SVEP1: variants seen among roughly 807,000 people sequenced by gnomAD.
The protein encoded by SVEP1 is sushi, von Willebrand factor type A, EGF and pentraxin domain-containing protein 1.
A neutral mutation model predicts 367.3 loss-of-function variants in SVEP1; 164 were observed. The ratio of observed to expected loss-of-function variants is 0.45; its 90% confidence interval spans 0.39 to 0.51. SVEP1 has a LOEUF of 0.51. Among genes scored for constraint, SVEP1 ranks in the 20% least tolerant of loss-of-function variants. SVEP1 has a pLI of 0.00. For synonymous variants in SVEP1, 1,666 were observed against 1,611.6 expected, an observed-to-expected ratio of 1.03 and a Z score of -0.81; for missense variants, 4,117 against 4,425.3, an observed-to-expected ratio of 0.93 and a Z score of 1.98.
rs532801433 is a variant in SVEP1, at chr9:110,414,164, A to T, written c.5976-2429T>A. Among the ~76,000 whole-genome samples the T allele has an allele frequency of 5.3e-5, 8 of 152,158 alleles. No individual in the cohort carries two copies. In the East Asian group the frequency reaches 1.5e-3, roughly 29 times the overall value. On this transcript the variant is annotated intron_variant, in intron 36 of 47. Coordinates refer to ENST00000374469, the MANE Select transcript of SVEP1 (RefSeq NM_153366.4). Reference sequence around the variant, plus strand: ...CAGTGTCACTAATACAAATTATTTGACCCACCCATTAGCAAAGATTAATTC... The same window carrying T: ...CAGTGTCACTAATACAAATTATTTGTCCCACCCATTAGCAAAGATTAATTC...
intron 26 of SVEP1, 121 bp from the exon 27 acceptor site, chr9:110,443,841 C>T (rs1314509449): frequency 2.5e-6 from 2 of 788,572 alleles, no homozygotes; most frequent in African/African-American, 3.6e-5. Context: ...TTGTGTAAAT[C>T]CATTACTCTT....
In SVEP1 at chr9:110,404,539, A is replaced by G. The variant is rs755982831; in HGVS notation, c.9454T>C (p.Tyr3152His). Residue 3152 changes from tyrosine (Y) to histidine (H), a missense_variant, in exon 39 of 48, where the codon TAT becomes CAT. Around this residue, in one of 4 missense-constraint regions of SVEP1, gnomAD observed 1,765 missense variants for 1,781.1 expected, o/e 0.99. Transcript: ENST00000374469. ...GTATCTGTATCTGTATCCATCGTAT[A>G]ACCTTCCAGACATCTGCAATGGAAA... The part of the protein sequence containing the change: ...SEVKLRCLEG[Y>H]TMDTDTDTFT... The G allele has an allele frequency of 6.2e-7, 1 of 1,613,992 alleles. No homozygotes were observed. The highest frequency in any genetic ancestry group is 8.5e-7 in the Non-Finnish European group (1 of 1,179,874).
intron 47 of SVEP1, 126 bp downstream of exon 47, chr9:110,369,797 G>T: frequency 1.4e-6 from 1 of 711,204 alleles, no homozygotes; most frequent in South Asian, 2.2e-5. Flanking sequence ...GTCTCAAAAT[G>T]GATGTTTTCA....
chr9:110,423,999 T>C (rs117577403), intron 36 of SVEP1, among the ~76,000 whole-genome samples: 27 of 152,334 alleles, frequency 1.8e-4, no homozygotes, highest in Non-Finnish European at 3.2e-4. Flanking sequence ...ATAAACACTA[T>C]TGTAGGCAAA....
intron 1 of SVEP1, among the ~76,000 whole-genome samples, chr9:110,561,236 G>A (rs1164306579): frequency 2.0e-5 from 3 of 152,034 alleles, no homozygotes; most frequent in East Asian, 1.9e-4. Flanking sequence ...ATCCACCTCT[G>A]ATTTTTACTA....
chr9:110,494,634 T>C (rs2118736114), intron 8 of SVEP1, among the ~76,000 whole-genome samples: 1 of 152,314 alleles, frequency 6.6e-6, no homozygotes, highest in African/African-American at 2.4e-5. Flanking sequence ...GAGGGAATAA[T>C]CAGAGACAAA....
intron 3 of SVEP1, among the ~76,000 whole-genome samples, chr9:110,536,210 CAT>C (rs1444559565): frequency 2.6e-5 from 4 of 151,994 alleles, no homozygotes; most frequent in African/African-American, 9.7e-5. Context: ...TTGAGATAAT[CAT>C]GTGGTTTTTG....
At chr9:110,397,076 T>C (rs535446172) in intron 40 of SVEP1, among the ~76,000 whole-genome samples, 4 of 152,322 alleles carry the variant, frequency 2.6e-5, no homozygotes, top group African/African-American at 7.2e-5. Flanking sequence ...TTGATGAACA[T>C]TGATGCAAAA....
intron 1 of SVEP1, among the ~76,000 whole-genome samples, chr9:110,558,691 A>G (rs1830385903): frequency 6.6e-6 from 1 of 152,030 alleles, no homozygotes; most frequent in African/African-American, 2.4e-5. Context: ...ACTCAAAATA[A>G]TGAAAGACAG....
At position 110,366,499 on chromosome 9, in the gene SVEP1, A is replaced by G. The variant is rs1827201864; in HGVS notation, c.*40T>C. 1.9e-6 allele frequency: 3 copies of G among 1,542,266 alleles called. No homozygotes were observed. Among genetic ancestry groups the G allele is most frequent in the African/African-American group, 1.4e-5 (1 of 71,958 alleles). Reference sequence around the variant, plus strand: ...GATGCCCAGGCACTACCGAGGAGAGATGATCCTGCTTTTGGGAGAGCCAGA... The same window carrying G: ...GATGCCCAGGCACTACCGAGGAGAGGTGATCCTGCTTTTGGGAGAGCCAGA... On this transcript the variant is annotated 3_prime_UTR_variant, in exon 48 of 48. Coordinates refer to ENST00000374469, the MANE Select transcript of SVEP1 (RefSeq NM_153366.4).
In SVEP1 at chr9:110,434,898, C is replaced by T. The variant is rs981281399; in HGVS notation, c.4888+343G>A. Among the ~76,000 whole-genome samples, 6 of 151,694 alleles carry T rather than the reference C, an allele frequency of 4.0e-5. No individual in the cohort carries two copies. The East Asian group carries it at 5.8e-4, about 15-fold the overall frequency. ...CCCTGTGCTACCTGTTCCTAGATACCTTCTACAAATTATAGAACCAAAAGA... is the reference window on the plus strand; with the variant it reads ...CCCTGTGCTACCTGTTCCTAGATACTTTCTACAAATTATAGAACCAAAAGA... On this transcript the variant is annotated intron_variant, in intron 29 of 47. Coordinates refer to ENST00000374469, the MANE Select transcript of SVEP1 (RefSeq NM_153366.4).
intron 30 of SVEP1, 121 bp downstream of exon 30, chr9:110,434,215 A>G: frequency 8.8e-7 from 1 of 1,141,098 alleles, no homozygotes; most frequent in Non-Finnish European, 1.2e-6. Context: ...AAAAGGTTCA[A>G]TGAATATTTG....
At chr9:110,571,248 C>T (rs1410801187) in intron 1 of SVEP1, among the ~76,000 whole-genome samples, 2 of 152,160 alleles carry the variant, frequency 1.3e-5, no homozygotes, top group Non-Finnish European at 1.5e-5. Flanking sequence ...GGATTACAGG[C>T]GTGAGCCACC....
At chr9:110,398,624 A>G (rs1454531894) in intron 40 of SVEP1, among the ~76,000 whole-genome samples, 7 of 152,204 alleles carry the variant, frequency 4.6e-5, no homozygotes, top group Admixed American at 3.9e-4. Context: ...AGAATCTACA[A>G]TGAACACAAA....
intron 40 of SVEP1, among the ~76,000 whole-genome samples, chr9:110,399,191 T>C (rs1307137933): frequency 1.3e-5 from 2 of 152,132 alleles, no homozygotes; most frequent in Admixed American, 6.5e-5. Context: ...TCATGTCCCT[T>C]GTAGGGACAT....
chr9:110,428,399 A>AACACACAC (rs113743775), intron 35 of SVEP1, among the ~76,000 whole-genome samples: 4,957 of 120,164 alleles, frequency 0.041, 276 homozygotes, highest in African/African-American at 0.16. Context: ...CCTCTGTTTA[A>AACACACAC]ACACACACAC....
rs114890210 is a variant in SVEP1, at chr9:110,446,091, A to G, written c.4262-53T>C. 536 of 1,507,676 alleles carry G rather than the reference A, an allele frequency of 3.6e-4. 4 individuals carry two copies. The African/African-American group carries it at 6.2e-3, about 17-fold the overall frequency. The allele number at this position is 1,507,676 out of a possible 1,614,324, so 93.4% of individuals were successfully genotyped here. On this transcript the variant is annotated intron_variant, in intron 25 of 47. Transcript: ENST00000374469. Reference sequence around the variant, plus strand: ...CTGTGGCACTTGAAAGACATTTCCAATTGTCAGAGGAAGCAGTGCTATTGT... The same window carrying G: ...CTGTGGCACTTGAAAGACATTTCCAGTTGTCAGAGGAAGCAGTGCTATTGT...
intron 14 of SVEP1, among the ~76,000 whole-genome samples, chr9:110,473,493 C>G (rs1829052699): frequency 6.6e-6 from 1 of 152,092 alleles, no homozygotes; most frequent in Non-Finnish European, 1.5e-5. Context: ...AAACAACACA[C>G]TTTTAACAAA....
chr9:110,450,302 T>A, intron 23 of SVEP1, 42 bp from the exon 24 acceptor site: 1 of 1,597,214 alleles, frequency 6.3e-7, no homozygotes, highest in Non-Finnish European at 8.6e-7. Context: ...AATGATTAAC[T>A]CCCTGGGAAC....
Sources: gnomAD v4.1 joint callset for allele counts (sites outside exome capture counted in the v4.1 genomes callset) on GRCh38, gnomAD v4.1.1 for gene constraint, gnomAD v4.1.1 regional missense constraint, MANE v1.5 for transcripts, NCBI Gene and HGNC (gene_info 2026-07-23, HGNC 2026-07-21) for gene names.